The following HEPH variants were observed in gnomAD, a reference collection of about 807,000 sequenced individuals.
The protein encoded by HEPH is hephaestin.
A neutral mutation model predicts 80.8 loss-of-function variants in HEPH; 69 were observed. That is an observed-to-expected ratio of 0.85 (90% CI 0.70 to 1.04). The LOEUF is 1.04. Ranked by LOEUF, HEPH falls within the 50% of genes least tolerant of loss-of-function variation. The probability of loss-of-function intolerance (pLI) is 0.00; values close to 1 mark genes in which losing one functional copy is unlikely to be tolerated. For synonymous variants in HEPH, 431 were observed against 322.8 expected (o/e 1.34, Z -3.60); for missense variants, 1,115 against 891.3 (o/e 1.25, Z -3.20).
intron 15 of HEPH, among the ~76,000 whole-genome samples, chrX:66,214,745 TC>T (rs1324804826): frequency 9.0e-6 from 1 of 111,371 alleles, no homozygotes; most frequent in East Asian, 2.8e-4. Context: ...AATAACATCT[TC>T]TAAACCATTC....
intron 15 of HEPH, among the ~76,000 whole-genome samples, chrX:66,231,218 C>G (rs1331141679): frequency 1.0e-3 from 109 of 109,092 alleles, no homozygotes; most frequent in Non-Finnish European, 1.5e-3. Flanking sequence ...TGTGATGCCT[C>G]CAGCTTTGTT....
chrX:66,192,093 G>A, intron 6 of HEPH, 37 bp from the exon 7 acceptor site: 2 of 1,171,559 alleles, frequency 1.7e-6, no homozygotes, highest in Non-Finnish European at 2.3e-6. Context: ...AAATCCTATT[G>A]GATAGAATGG....
intron 17 of HEPH, among the ~76,000 whole-genome samples, chrX:66,257,882 A>T (rs1474343422): frequency 1.8e-5 from 2 of 111,993 alleles, no homozygotes; most frequent in Non-Finnish European, 3.8e-5. Context: ...TGTCCAGGGA[A>T]AAGTCCTGGA....
At chrX:66,256,022 T>G in intron 16 of HEPH, 83 bp from the exon 17 acceptor site, 39 of 659,875 alleles carry the variant, frequency 5.9e-5, no homozygotes, top group Middle Eastern at 4.5e-4. Flanking sequence ...TGGGCTTGTA[T>G]GAGAAGCTGG....
intron 15 of HEPH, among the ~76,000 whole-genome samples, chrX:66,217,455 A>T (rs186105198): frequency 1.1e-4 from 12 of 111,745 alleles, no homozygotes; most frequent in Admixed American, 9.5e-5. Flanking sequence ...TGAAGGAAAG[A>T]TACTGTGTTT....
Position 66,255,020 on chromosome X carries a change from T to C in HEPH, c.2564-15T>C, listed in dbSNP as rs2091129426. 4 of 1,151,518 alleles carry C rather than the reference T, an allele frequency of 3.5e-6. No individual in the cohort carries two copies. Among genetic ancestry groups the C allele is most frequent in the Non-Finnish European group, 2.4e-6 (2 of 849,897 alleles). The allele number at this position is 1,151,518 out of a possible 1,213,427, so 94.9% of individuals were successfully genotyped here. ...CTGACCCGGTGCAACTGGAGGTTCC[T>C]TGTTACACTTCTAGGTGAGGTGGTC... is the stretch of plus-strand genomic sequence containing the variant. On this transcript the variant is annotated splice_polypyrimidine_tract_variant and intron_variant, in intron 15 of 20. Transcript: ENST00000343002.
chrX:66,198,134 T>A (rs1035797672), intron 10 of HEPH, among the ~76,000 whole-genome samples: 2 of 110,615 alleles, frequency 1.8e-5, no homozygotes, highest in African/African-American at 6.6e-5. Context: ...TTTCATCATC[T>A]TCTTCTTTCC....
intron 17 of HEPH, among the ~76,000 whole-genome samples, chrX:66,258,148 G>T (rs1165124509): frequency 9.0e-6 from 1 of 111,703 alleles, no homozygotes; most frequent in East Asian, 2.8e-4. Flanking sequence ...ATTCTTTCCT[G>T]CATATTAGGA....
chrX:66,179,230 A>C (rs1301071713), intron 4 of HEPH, among the ~76,000 whole-genome samples: 1 of 111,712 alleles, frequency 9.0e-6, no homozygotes, highest in Non-Finnish European at 1.9e-5. Context: ...TGTTTTTGTC[A>C]GGTTTGTCAA....
rs762408899 is a variant in HEPH at position 66,170,695 on chromosome X, A to G, written c.125A>G (p.Lys42Arg). 1.7e-6 allele frequency: 2 copies of G among 1,210,743 alleles called. No homozygotes were observed. Among genetic ancestry groups the G allele is most frequent in the Non-Finnish European group, 2.2e-6 (2 of 894,960 alleles). ...GATGTGCAGTGGAACTATGCTCCCA[A>G]GGGAAGAAATGTCATCACGAACCAG... ...IRDVQWNYAP[K>R]GRNVITNQPL... Residue 42 changes from lysine to arginine, a missense_variant, in exon 2 of 21, where the codon AAG becomes AGG. Physicochemically the swap from Lys to Arg is conservative, Grantham distance 26 (BLOSUM62 2). Coordinates refer to ENST00000343002, the MANE Select transcript of HEPH (RefSeq NM_001367233.3).
At chrX:66,247,100 C>T (rs775829628) in intron 15 of HEPH, among the ~76,000 whole-genome samples, 1 of 110,677 alleles carries the variant, frequency 9.0e-6, no homozygotes, top group East Asian at 2.8e-4. Context: ...TTTTCAGGTT[C>T]TCTTTGTCTT....
At chrX:66,254,945 G>C in intron 15 of HEPH, 90 bp from the exon 16 acceptor site, 2 of 488,169 alleles carry the variant, frequency 4.1e-6, no homozygotes, top group Non-Finnish European at 7.0e-6. Context: ...AAGAAGATGG[G>C]ATTCACTCAC....
At chrX:66,167,636 A>C (rs2086430849) in intron 1 of HEPH, among the ~76,000 whole-genome samples, 2 of 111,888 alleles carry the variant, frequency 1.8e-5, no homozygotes, top group East Asian at 5.6e-4. Context: ...CCATATATAG[A>C]GCTATGTGTA....
chrX:66,206,716 G>A (rs772639901), intron 13 of HEPH, among the ~76,000 whole-genome samples: 1 of 109,728 alleles, frequency 9.1e-6, no homozygotes, highest in African/African-American at 3.3e-5. Flanking sequence ...TGAGAAGTCT[G>A]ACATTAGAAG....
intron 15 of HEPH, among the ~76,000 whole-genome samples, chrX:66,254,211 A>C (rs1184647124): frequency 9.0e-6 from 1 of 111,318 alleles, no homozygotes; most frequent in African/African-American, 3.3e-5. Flanking sequence ...TGGTTGAGTT[A>C]AGAAAACAAG....
At chrX:66,268,468 CAAGA>C (rs2091585755), downstream of HEPH, 1 of 111,833 alleles carries the variant, frequency 8.9e-6, no homozygotes, top group African/African-American at 3.2e-5. Context: ...GCTAGTTATC[CAAGA>C]GTTAGTGTTT....
chrX:66,230,889 C>G (rs1404821122), intron 15 of HEPH, among the ~76,000 whole-genome samples: 1 of 98,628 alleles, frequency 1.0e-5, no homozygotes, highest in Non-Finnish European at 2.0e-5. Flanking sequence ...AGGTTTTCTT[C>G]TAGGGTTTTT....
chrX:66,266,068 A>G (rs989688205), intron 20 of HEPH, among the ~76,000 whole-genome samples: 1 of 111,560 alleles, frequency 9.0e-6, no homozygotes, highest in African/African-American at 3.3e-5. Context: ...TTCTTTCTGA[A>G]GTTTCCCTTA....
At chrX:66,215,234 A>G (rs1321241485) in intron 15 of HEPH, among the ~76,000 whole-genome samples, 1 of 111,437 alleles carries the variant, frequency 9.0e-6, no homozygotes, top group Non-Finnish European at 1.9e-5. Flanking sequence ...TTTCTAATAG[A>G]TTATTTATAA....
Sources: gnomAD v4.1 joint callset for allele counts (sites outside exome capture counted in the v4.1 genomes callset) on GRCh38, gnomAD v4.1.1 for gene constraint, MANE v1.5 for transcripts, NCBI Gene and HGNC (gene_info 2026-07-23, HGNC 2026-07-21) for gene names.